PRKN: variants seen among roughly 807,000 people sequenced by gnomAD.
The protein encoded by PRKN is parkin RBR E3 ubiquitin protein ligase.
Under a neutral mutation model 59.5 loss-of-function variants are expected in PRKN, and 56 were observed. That is an observed-to-expected ratio of 0.94 (90% CI 0.76 to 1.18). The LOEUF (loss-of-function observed/expected upper bound fraction) is 1.18. PRKN is among the 50% of genes most tolerant of loss of function. PRKN has a pLI of 0.00. For synonymous variants in PRKN, 250 were observed against 222.1 expected, an observed-to-expected ratio of 1.13 and a Z score of -1.12; for missense variants, 657 against 596.4, an observed-to-expected ratio of 1.10 and a Z score of -1.06.
rs1340676202 is a variant in PRKN at position 161,362,328 on chromosome 6, G to A, written c.1168-2123C>T. On this transcript the variant is annotated intron_variant, in intron 10 of 11. Transcript: ENST00000366898. The surrounding 1 kb of genome is among the most constrained non-coding windows in gnomAD (Gnocchi z 5.2). ...TCCTGGTTCGGGAGGAAGGAACCTG[G>A]CATTTGCTGTGGGGCTATCTTCTTA... 6.6e-6 allele frequency among the ~76,000 whole-genome samples: 1 copy of A among 152,168 alleles called. No individual in the cohort carries two copies. Among genetic ancestry groups the A allele is most frequent in the Non-Finnish European group, 1.5e-5 (1 of 68,040 alleles).
intron 1 of PRKN, among the ~76,000 whole-genome samples, chr6:162,540,424 A>T (rs1227990655): frequency 6.6e-6 from 1 of 152,072 alleles, no homozygotes; most frequent in African/African-American, 2.4e-5. Context: ...CAACCCCAAT[A>T]ATATAGGTAG....
intron 7 of PRKN, among the ~76,000 whole-genome samples, chr6:161,710,556 C>T (rs1786695242): frequency 6.6e-6 from 1 of 152,046 alleles, no homozygotes; most frequent in South Asian, 2.1e-4. Context: ...TGACTGCTCA[C>T]TGTTCTACAG....
chr6:161,920,438 C>G (rs1430940020), intron 6 of PRKN, among the ~76,000 whole-genome samples: 1 of 151,952 alleles, frequency 6.6e-6, no homozygotes, highest in Non-Finnish European at 1.5e-5. Context: ...CAATGTCTAT[C>G]TAAACACATG....
chr6:162,517,905 G>T (rs553846596), intron 1 of PRKN, among the ~76,000 whole-genome samples: 5 of 152,040 alleles, frequency 3.3e-5, no homozygotes, highest in Admixed American at 2.6e-4. Context: ...AAAAATGTAC[G>T]GTAGTTATTC....
chr6:162,719,399 G>A (rs567086001), intron 1 of PRKN, among the ~76,000 whole-genome samples: 2 of 152,186 alleles, frequency 1.3e-5, no homozygotes, highest in East Asian at 1.9e-4. Context: ...CAGGAGAAAG[G>A]AGGTCGAATT....
chr6:161,866,927 T>C (rs988789403), intron 6 of PRKN, among the ~76,000 whole-genome samples: 1 of 152,104 alleles, frequency 6.6e-6, no homozygotes, highest in Admixed American at 6.6e-5. Context: ...GATGGGGTGA[T>C]GAGGAAAGCT....
intron 7 of PRKN, among the ~76,000 whole-genome samples, chr6:161,750,118 T>TATATATACACACACACAC (rs1269147499): frequency 1.5e-5 from 2 of 137,742 alleles, no homozygotes; most frequent in African/African-American, 5.4e-5. Context: ...TATATATATA[T>TATATATACACACACACAC]ACACACACAC....
chr6:161,734,337 T>A (rs1260404628), intron 7 of PRKN, among the ~76,000 whole-genome samples: 1 of 152,184 alleles, frequency 6.6e-6, no homozygotes, highest in Non-Finnish European at 1.5e-5. Context: ...TAGGCTGACA[T>A]CTTCCCTAGC....
chr6:161,661,406 C>T (rs1425013491), intron 7 of PRKN, among the ~76,000 whole-genome samples: 1 of 152,170 alleles, frequency 6.6e-6, no homozygotes, highest in African/African-American at 2.4e-5. Flanking sequence ...TGGAACTCCC[C>T]TCCCAGATAT....
chr6:162,529,380 C>G (rs1778414729), intron 1 of PRKN, among the ~76,000 whole-genome samples: 1 of 152,144 alleles, frequency 6.6e-6, no homozygotes, highest in Admixed American at 6.5e-5. Context: ...TCCACACTCT[C>G]CAAATTCCCC....
chr6:162,312,679 T>C (rs1258150517), intron 2 of PRKN, among the ~76,000 whole-genome samples: 1 of 152,126 alleles, frequency 6.6e-6, no homozygotes, highest in Non-Finnish European at 1.5e-5. Context: ...TTTACATAAG[T>C]GGTTCTTGAT....
At chr6:162,580,828 T>G (rs1035766921) in intron 1 of PRKN, among the ~76,000 whole-genome samples, 2 of 152,214 alleles carry the variant, frequency 1.3e-5, no homozygotes, top group African/African-American at 4.8e-5. Context: ...CTCCCTCTGC[T>G]GTAGAATCCT....
At chr6:161,954,820 C>T (rs1191953878) in intron 6 of PRKN, among the ~76,000 whole-genome samples, 2 of 152,204 alleles carry the variant, frequency 1.3e-5, no homozygotes, top group Non-Finnish European at 2.9e-5. Flanking sequence ...TCAGCCTCTC[C>T]TTCACAGTGC....
At chr6:161,421,603 G>A (rs1331327533) in intron 9 of PRKN, among the ~76,000 whole-genome samples, 2 of 152,154 alleles carry the variant, frequency 1.3e-5, no homozygotes, top group East Asian at 3.9e-4. Context: ...ATCACAGGAA[G>A]AGTTTGTTCA....
chr6:162,047,657 G>T (rs1777439566), intron 5 of PRKN, among the ~76,000 whole-genome samples: 1 of 151,942 alleles, frequency 6.6e-6, no homozygotes. Flanking sequence ...ACAGACAAAA[G>T]AAATACAGAT....
chr6:162,135,485 T>C (rs1781530041), intron 4 of PRKN, among the ~76,000 whole-genome samples: 1 of 152,204 alleles, frequency 6.6e-6, no homozygotes, highest in Non-Finnish European at 1.5e-5. Context: ...AGCTGACATT[T>C]ATTTATACCT....
intron 2 of PRKN, among the ~76,000 whole-genome samples, chr6:162,362,421 C>T (rs1785190971): frequency 6.6e-6 from 1 of 152,094 alleles, no homozygotes; most frequent in African/African-American, 2.4e-5. Flanking sequence ...AATAGTAATG[C>T]ACTGAGATAT....
At chr6:162,530,087 G>A (rs1243323720) in intron 1 of PRKN, among the ~76,000 whole-genome samples, 4 of 150,364 alleles carry the variant, frequency 2.7e-5, no homozygotes, top group Non-Finnish European at 3.0e-5. Context: ...CCAAGATCAC[G>A]CCATTGCACT....
intron 9 of PRKN, among the ~76,000 whole-genome samples, chr6:161,412,363 C>G (rs556015422): frequency 1.3e-5 from 2 of 150,964 alleles, no homozygotes; most frequent in Admixed American, 6.6e-5. Flanking sequence ...TCACTTATTC[C>G]TCCACTCACT....
Sources: gnomAD v4.1 joint callset for allele counts (sites outside exome capture counted in the v4.1 genomes callset) on GRCh38, gnomAD v4.1.1 for gene constraint, Gnocchi (gnomAD v3.1) non-coding constraint, MANE v1.5 for transcripts, NCBI Gene and HGNC (gene_info 2026-07-23, HGNC 2026-07-21) for gene names.